Variants in RARB observed in about 807,000 individuals in gnomAD.
The protein encoded by RARB is HBV-activated protein.
RARB carries 17 observed loss-of-function variants against 51.9 expected under a neutral mutation model. That is an observed-to-expected ratio of 0.33 (90% CI 0.22 to 0.49). The LOEUF (loss-of-function observed/expected upper bound fraction) is 0.49, where lower values mean the gene tolerates loss of function less well. Among genes scored for constraint, RARB ranks in the 20% least tolerant of loss-of-function variants. The pLI, the probability that RARB is intolerant of heterozygous loss-of-function variation, is 0.99. For synonymous variants in RARB, 215 were observed against 195.4 expected, an observed-to-expected ratio of 1.10 and a Z score of -0.84; for missense variants, 369 against 550.8, an observed-to-expected ratio of 0.67 and a Z score of 3.30.
chr3:24,957,205 A>G (rs1031061473), intron 2 of RARB, among the ~76,000 whole-genome samples: 1 of 152,166 alleles, frequency 6.6e-6, no homozygotes, highest in Non-Finnish European at 1.5e-5. Context: ...ACAGAATCCA[A>G]CACAGAAGCC....
At chr3:25,281,053 C>T (rs1250057600) in intron 5 of RARB, among the ~76,000 whole-genome samples, 1 of 152,204 alleles carries the variant, frequency 6.6e-6, no homozygotes, top group African/African-American at 2.4e-5. Flanking sequence ...TATGAAACTG[C>T]ATTTGCATTT....
intron 2 of RARB, chr3:25,020,307 G>C (rs1697606694): frequency 1.3e-5 from 2 of 151,954 alleles, no homozygotes; most frequent in African/African-American, 4.8e-5. Flanking sequence ...CAACCTGGCA[G>C]TCCTCTGCTC....
rs539946553 is a variant in RARB at position 25,480,210 on chromosome 3, A to G, written c.306+18869A>G. On this transcript the variant is annotated intron_variant, in intron 2 of 7. Transcript: ENST00000330688. ...CCAGTTTCATCTTTTGTGTAATAAC[A>G]TGTGAGCACTGGAATAATTTTGAGA... Among the ~76,000 whole-genome samples, 35 of 152,360 alleles carry G rather than the reference A, an allele frequency of 2.3e-4. No individual in the cohort carries two copies. In the Middle Eastern group the frequency reaches 0.01, roughly 44 times the overall value.
At chr3:25,492,145 T>C (rs1696773268) in intron 2 of RARB, among the ~76,000 whole-genome samples, 1 of 152,148 alleles carries the variant, frequency 6.6e-6, no homozygotes, top group Admixed American at 6.5e-5. Flanking sequence ...AAATTTTGTT[T>C]TGAGATAATT....
chr3:25,158,923 T>C (rs187986466), intron 4 of RARB, among the ~76,000 whole-genome samples: 5 of 152,164 alleles, frequency 3.3e-5, no homozygotes, highest in Admixed American at 3.3e-4. Flanking sequence ...CCTGAAAAAT[T>C]CTGTAGGCGA....
intron 5 of RARB, among the ~76,000 whole-genome samples, chr3:25,212,912 G>T (rs755605688): frequency 9.2e-5 from 14 of 152,196 alleles, no homozygotes; most frequent in Non-Finnish European, 2.1e-4. Context: ...TCACTTGGGA[G>T]CCTGAACTAG....
rs1698180368 is a variant in RARB at position 25,044,751 on chromosome 3, G to GA, written c.-379-15371dup. ...AAGTAAGTATCTTTCTAATATTACT[G>GA]AAAGATTCCACAACCAAATAGAACT... On this transcript the variant is annotated intron_variant, in intron 2 of 11. Transcript: ENST00000383772. Among the ~76,000 whole-genome samples, 3 of 152,152 alleles carry GA rather than the reference G, an allele frequency of 2.0e-5. No individual in the cohort carries two copies. In the South Asian group the frequency reaches 6.2e-4, roughly 32 times the overall value.
intron 5 of RARB, among the ~76,000 whole-genome samples, chr3:25,284,761 C>T (rs774073713): frequency 2.0e-5 from 3 of 152,148 alleles, no homozygotes; most frequent in Non-Finnish European, 4.4e-5. Flanking sequence ...CGCAAGTCCG[C>T]TTATATATGG....
chr3:25,344,153 T>C (rs1705317695), intron 5 of RARB, among the ~76,000 whole-genome samples: 2 of 152,232 alleles, frequency 1.3e-5, no homozygotes, highest in African/African-American at 4.8e-5. Context: ...TGGGGCATAT[T>C]AAACTCTTCA....
intron 2 of RARB, among the ~76,000 whole-genome samples, chr3:25,033,985 T>C (rs1697931289): frequency 6.6e-6 from 1 of 152,120 alleles, no homozygotes; most frequent in Non-Finnish European, 1.5e-5. Context: ...GGTGACTGAT[T>C]TTAGAAATCC....
chr3:24,932,535 T>C (rs978056874), intron 2 of RARB, among the ~76,000 whole-genome samples: 1 of 152,164 alleles, frequency 6.6e-6, no homozygotes, highest in African/African-American at 2.4e-5. Context: ...CGTATGCATT[T>C]TTACACACAT....
chr3:25,582,414 C>G (rs541034280), intron 5 of RARB, among the ~76,000 whole-genome samples: 1 of 152,154 alleles, frequency 6.6e-6, no homozygotes, highest in East Asian at 2.0e-4. Flanking sequence ...CCCTGCATCA[C>G]GCAGCCACCC....
At chr3:25,562,293 A>T (rs998135832) in intron 3 of RARB, among the ~76,000 whole-genome samples, 2 of 152,082 alleles carry the variant, frequency 1.3e-5, no homozygotes, top group African/African-American at 4.8e-5. Context: ...ATCATACAGT[A>T]AGTGTGTGAG....
At chr3:25,024,492 G>C (rs1371414137) in intron 2 of RARB, among the ~76,000 whole-genome samples, 1 of 152,118 alleles carries the variant, frequency 6.6e-6, no homozygotes, top group Non-Finnish European at 1.5e-5. Flanking sequence ...GCAACAAAAT[G>C]TGCCTTTGAG....
intron 5 of RARB, among the ~76,000 whole-genome samples, chr3:25,402,635 A>C (rs1409004629): frequency 2.0e-5 from 3 of 152,210 alleles, no homozygotes; most frequent in South Asian, 2.1e-4. Context: ...AAAAAGAATG[A>C]CATCCTGACA....
chr3:25,273,554 T>C (rs1463830078), intron 5 of RARB, among the ~76,000 whole-genome samples: 1 of 152,192 alleles, frequency 6.6e-6, no homozygotes, highest in Non-Finnish European at 1.5e-5. Flanking sequence ...CCTGCTCAGC[T>C]AGTCAGAGAC....
intron 2 of RARB, among the ~76,000 whole-genome samples, chr3:25,466,608 T>C (rs1000466517): frequency 1.3e-5 from 2 of 152,200 alleles, no homozygotes; most frequent in African/African-American, 4.8e-5. Flanking sequence ...TCTCCATTCT[T>C]TTCTATCAAA....
chr3:24,854,732 G>A (rs967390028), intron 1 of RARB, among the ~76,000 whole-genome samples: 2 of 152,030 alleles, frequency 1.3e-5, no homozygotes, highest in African/African-American at 4.8e-5. Flanking sequence ...AGCATTCCTG[G>A]CCCCTATTCT....
chr3:25,124,379 A>C (rs1559474951), intron 3 of RARB, among the ~76,000 whole-genome samples: 1 of 152,310 alleles, frequency 6.6e-6, no homozygotes, highest in African/African-American at 2.4e-5. Flanking sequence ...CTCAAAAAGA[A>C]AGAAATTGTG....
Sources: allele counts gnomAD v4.1 joint callset (sites outside exome capture counted in the v4.1 genomes callset), GRCh38; gene constraint gnomAD v4.1.1; transcripts MANE v1.5; gene names NCBI Gene and HGNC (gene_info 2026-07-23, HGNC 2026-07-21).